The following OSBPL9 variants were observed in gnomAD, a reference collection of about 807,000 sequenced individuals.
The protein encoded by OSBPL9 is oxysterol binding protein like 9.
OSBPL9 carries 40 observed loss-of-function variants against 106.6 expected under a neutral mutation model. The ratio of observed to expected loss-of-function variants is 0.38; its 90% CI spans 0.29 to 0.49. The LOEUF is 0.49. Among genes scored for constraint, OSBPL9 ranks in the 20% least tolerant of loss-of-function variants. OSBPL9 has a pLI of 0.97. For missense variants in OSBPL9, 609 were observed against 887.2 expected (o/e 0.69, Z 3.98); for synonymous variants, 269 against 295.4 (o/e 0.91, Z 0.92).
intron 4 of OSBPL9, chr1:51,740,087 G>C (rs1666563915): frequency 6.5e-7 from 1 of 1,543,946 alleles, no homozygotes; most frequent in Non-Finnish European, 8.7e-7. Flanking sequence ...GATTATTGAT[G>C]TTAGACTCAC....
chr1:51,607,338 T>A (rs1340482997), intron 2 of OSBPL9, among the ~76,000 whole-genome samples: 5 of 151,848 alleles, frequency 3.3e-5, no homozygotes, highest in Admixed American at 3.3e-4. Flanking sequence ...ATTTTTGTAC[T>A]TTTAGTAGAG....
chr1:51,718,994 T>G lies in OSBPL9; in HGVS notation c.318+4915T>G, dbSNP rs910751624. Reference sequence around the variant, plus strand: ...CAGCAGCCCCCACCGTTTTCATGGATTCAGCTAAACCTTCTGTAAGATGAC... The same window carrying G: ...CAGCAGCCCCCACCGTTTTCATGGAGTCAGCTAAACCTTCTGTAAGATGAC... On this transcript the variant is annotated intron_variant, in intron 4 of 23. Coordinates refer to ENST00000428468, the MANE Select transcript of OSBPL9 (RefSeq NM_024586.6). Among the ~76,000 whole-genome samples, 2 of 152,210 alleles carry G rather than the reference T, an allele frequency of 1.3e-5. 1 individual carries two copies. The highest frequency in any genetic ancestry group is 4.1e-4 in the South Asian group (2 of 4,832).
chr1:51,557,202 CT>C, the OSBPL9 span, among the ~76,000 whole-genome samples: 1,000 of 152,276 alleles, frequency 6.6e-3, 10 homozygotes, highest in African/African-American at 0.023. Flanking sequence ...TTTTATTTGG[CT>C]TACATTACCC....
the OSBPL9 span, among the ~76,000 whole-genome samples, chr1:51,541,090 T>A: frequency 6.6e-6 from 1 of 151,148 alleles, no homozygotes; most frequent in African/African-American, 2.4e-5. Context: ...AAGATCATGC[T>A]ATTGCACTCC....
At chr1:51,549,891 G>T in the OSBPL9 span, among the ~76,000 whole-genome samples, 2 of 152,192 alleles carry the variant, frequency 1.3e-5, no homozygotes, top group Non-Finnish European at 2.9e-5. Context: ...TGGAATGTCG[G>T]TTGCCTACTT....
At chr1:51,741,048 TAA>T (rs113317280) in intron 4 of OSBPL9, among the ~76,000 whole-genome samples, 18,721 of 152,202 alleles carry the variant, frequency 0.12, 1,260 homozygotes, top group Middle Eastern at 0.22. Context: ...GTGTAAAGTA[TAA>T]ATAGTGTTTA....
At chr1:51,702,696 G>A (rs1349599370) in intron 3 of OSBPL9, among the ~76,000 whole-genome samples, 4 of 152,148 alleles carry the variant, frequency 2.6e-5, no homozygotes, top group African/African-American at 4.8e-5. Context: ...TGCTTTTGGT[G>A]TTTTAGACAT....
intron 1 of OSBPL9, among the ~76,000 whole-genome samples, chr1:51,625,032 A>C (rs959649817): frequency 6.6e-6 from 1 of 152,254 alleles, no homozygotes; most frequent in Non-Finnish European, 1.5e-5. Flanking sequence ...TGTAAGTTTT[A>C]CAGAATATAC....
At chr1:51,738,622 T>C (rs1053189793) in intron 4 of OSBPL9, among the ~76,000 whole-genome samples, 15 of 152,042 alleles carry the variant, frequency 9.9e-5, no homozygotes, top group African/African-American at 2.9e-4. Flanking sequence ...TTTTACCACT[T>C]GTTTTGTCTG....
At chr1:51,540,221 AT>A in the OSBPL9 span, among the ~76,000 whole-genome samples, 29 of 149,976 alleles carry the variant, frequency 1.9e-4, no homozygotes, top group African/African-American at 5.4e-4. Flanking sequence ...ATTATTTTAA[AT>A]TTTTTTTTTA....
chr1:51,662,212 C>A (rs912720307), intron 2 of OSBPL9, among the ~76,000 whole-genome samples: 3 of 152,026 alleles, frequency 2.0e-5, no homozygotes, highest in Non-Finnish European at 4.4e-5. Context: ...GAGAGGCTGG[C>A]CAATTGCTTG....
At chr1:51,671,957 T>A (rs540791882) in intron 3 of OSBPL9, among the ~76,000 whole-genome samples, 66 of 152,298 alleles carry the variant, frequency 4.3e-4, no homozygotes, top group African/African-American at 1.6e-3. Context: ...TAGTTTATAC[T>A]CATATATTTG....
chr1:51,551,873 G>A, the OSBPL9 span, among the ~76,000 whole-genome samples: 1 of 152,012 alleles, frequency 6.6e-6, no homozygotes, highest in Non-Finnish European at 1.5e-5. Flanking sequence ...GATTACAGGT[G>A]TGAGACACCG....
the OSBPL9 span, among the ~76,000 whole-genome samples, chr1:51,540,693 C>T: frequency 6.8e-6 from 1 of 147,590 alleles, no homozygotes; most frequent in Non-Finnish European, 1.5e-5. Flanking sequence ...GGTGTGGTGG[C>T]TCACGCCTGT....
At chr1:51,519,364 C>A in the OSBPL9 span, 1 of 342,350 alleles carries the variant, frequency 2.9e-6, no homozygotes, top group African/African-American at 2.2e-5. Context: ...TCCACAACTT[C>A]CCTCCCCACG....
chr1:51,762,053 A>G, intron 11 of OSBPL9, 82 bp downstream of exon 11: 1 of 939,558 alleles, frequency 1.1e-6, no homozygotes, highest in Non-Finnish European at 1.7e-6. Context: ...GAGGAGGGGG[A>G]AAGTTGAAGA....
chr1:51,772,113 A>T lies in OSBPL9; in HGVS notation c.982A>T (p.Asn328Tyr). 6.2e-7 allele frequency: 1 copy of T among 1,614,112 alleles called. No individual in the cohort carries two copies. Among genetic ancestry groups the T allele is most frequent in the Non-Finnish European group, 8.5e-7 (1 of 1,179,954 alleles). Reference protein sequence around the residue: ...ASVLTHSSSGNSLKRPDTTES... With the variant: ...ASVLTHSSSGYSLKRPDTTES... ...AGTCCTGACACACAGCAGCTCGGGA[A>T]ATAGTCTAAAACGCCCAGATACCAC... is the stretch of plus-strand genomic sequence containing the variant. The change falls in exon 13 of 24, where the codon AAT (asparagine) becomes TAT (tyrosine). Residue 328 changes from asparagine to tyrosine, a missense_variant. Transcript: ENST00000428468.
chr1:51,666,105 C>T (rs2148751165), intron 2 of OSBPL9, among the ~76,000 whole-genome samples: 1 of 152,248 alleles, frequency 6.6e-6, no homozygotes, highest in African/African-American at 2.4e-5. Context: ...GCCTCGGCCT[C>T]CCAAAGGGCT....
chr1:51,700,944 A>G (rs562107817), intron 3 of OSBPL9, among the ~76,000 whole-genome samples: 104 of 145,966 alleles, frequency 7.1e-4, no homozygotes, highest in African/African-American at 2.5e-3. Flanking sequence ...ATTCATTGTA[A>G]TTTTTTTTTT....
Sources: allele counts gnomAD v4.1 joint callset (sites outside exome capture counted in the v4.1 genomes callset), GRCh38; gene constraint gnomAD v4.1.1; transcripts MANE v1.5; gene names NCBI Gene and HGNC (gene_info 2026-07-23, HGNC 2026-07-21).